VWA3A: variants seen among roughly 807,000 people sequenced by gnomAD.
The protein encoded by VWA3A is von Willebrand factor A domain containing 3A.
Under a neutral mutation model 160.4 loss-of-function variants are expected in VWA3A, and 134 were observed. That is an observed-to-expected ratio of 0.84 (90% CI 0.73 to 0.96). The LOEUF (loss-of-function observed/expected upper bound fraction) is 0.96. VWA3A is among the 40% of genes least tolerant of loss of function. The pLI, the probability that VWA3A is intolerant of heterozygous loss-of-function variation, is 0.00. For missense variants in VWA3A, 1,310 were observed against 1,447.9 expected, an observed-to-expected ratio of 0.90 and a Z score of 1.55; for synonymous variants, 476 against 543.4, an observed-to-expected ratio of 0.88 and a Z score of 1.72.
At chr16:22,095,068 A>G (rs1598039369) in intron 1 of VWA3A, among the ~76,000 whole-genome samples, 1 of 152,058 alleles carries the variant, frequency 6.6e-6, no homozygotes, top group South Asian at 2.1e-4. Flanking sequence ...CTGCTCTTAC[A>G]TAACTTACAG....
rs1271142339 is a variant in VWA3A at position 22,149,185 on chromosome 16, CT to C, written c.2985-600del. On this transcript the variant is annotated intron_variant, in intron 28 of 33. Coordinates refer to ENST00000389398, the MANE Select transcript of VWA3A (RefSeq NM_173615.5). ...GCCAGGACTTCAAGAGGTTAAGACA[CT>C]TGCTGAAGATCGGGTAACCAGTCAC... Among the ~76,000 whole-genome samples the C allele has an allele frequency of 3.9e-5, 6 of 152,178 alleles. No homozygotes were observed. In the East Asian group the frequency reaches 1.2e-3, roughly 29 times the overall value.
intron 27 of VWA3A, chr16:22,147,560 AAATTCATT>A: frequency 2.8e-6 from 2 of 703,004 alleles, no homozygotes; most frequent in Non-Finnish European, 2.6e-6. Flanking sequence ...GGTCCTGTGT[AAATTCATT>A]AGGTCCAGTC....
intron 22 of VWA3A, 169 bp downstream of exon 22, chr16:22,138,681 G>C: frequency 1.1e-6 from 1 of 884,410 alleles, no homozygotes; most frequent in Non-Finnish European, 1.7e-6. Context: ...AATCTCCCGC[G>C]GGGGGCCGGC....
chr16:22,120,843 T>C (rs1330147167), intron 12 of VWA3A, 125 bp from the exon 13 acceptor site: 24 of 1,216,662 alleles, frequency 2.0e-5, no homozygotes, highest in Admixed American at 2.6e-5. Flanking sequence ...AAGGCAAAAC[T>C]GCCTTTAATC....
intron 14 of VWA3A, among the ~76,000 whole-genome samples, chr16:22,122,883 T>C (rs1598069921): frequency 6.6e-6 from 1 of 152,184 alleles, no homozygotes; most frequent in African/African-American, 2.4e-5. Context: ...CTACTTCCAG[T>C]TCCAGACAAG....
chr16:22,102,673 G>T (rs1048385872), intron 5 of VWA3A, among the ~76,000 whole-genome samples: 3 of 152,194 alleles, frequency 2.0e-5, no homozygotes, highest in Admixed American at 1.3e-4. Flanking sequence ...AATCAATCCA[G>T]TAGAAACGAT....
In VWA3A at chr16:22,140,164, A is replaced by T; in HGVS notation, c.2303A>T (p.Asp768Val). ...VPLGARMSIK[D>V]DPDREKSPPL... ...TTGCCTGTTTTCTAGAGCATTAAAGATGACCCTGACAGAGAGAAGAGCCCC... is the reference window on the plus strand; with the variant it reads ...TTGCCTGTTTTCTAGAGCATTAAAGTTGACCCTGACAGAGAGAAGAGCCCC... The change falls in exon 23 of 34, where the codon GAT becomes GTT. Residue 768 changes from aspartate to valine, a missense_variant. Transcript: ENST00000389398. 1 of 1,613,508 alleles carries T rather than the reference A, an allele frequency of 6.2e-7. No individual in the cohort carries two copies. Among genetic ancestry groups the T allele is most frequent in the East Asian group, 2.2e-5 (1 of 44,868 alleles).
At chr16:22,124,688 C>CT (rs1167695015) in intron 16 of VWA3A, among the ~76,000 whole-genome samples, 1 of 151,840 alleles carries the variant, frequency 6.6e-6, no homozygotes, top group African/African-American at 2.4e-5. Context: ...GCCACCGCAC[C>CT]TGGCCACTAT....
At position 22,155,921 on chromosome 16, in the gene VWA3A, G is replaced by T; in HGVS notation, c.*14+5G>T. ...TTCCTAGAGAAGTGTTCTCAGGTAA[G>T]GGGAGGGGCTAGACCCCATACTACC... On this transcript the variant is annotated splice_donor_5th_base_variant and intron_variant, in intron 33 of 33. Transcript: ENST00000389398. 6.2e-7 allele frequency: 1 copy of T among 1,613,880 alleles called. No individual in the cohort carries two copies. Among genetic ancestry groups the T allele is most frequent in the Non-Finnish European group, 8.5e-7 (1 of 1,179,852 alleles).
rs1390881971 is a variant in VWA3A, at chr16:22,116,976, C to T, written c.924+109C>T. The T allele has an allele frequency of 6.4e-6, 9 of 1,403,736 alleles. No homozygotes were observed. The East Asian group carries it at 2.2e-4, about 34-fold the overall frequency. 87.0% of individuals were successfully genotyped at this position (1,403,736 alleles called of 1,614,324 possible). A position where few individuals can be genotyped will look rare whatever the true frequency, so the allele number is the denominator to read the frequency against. On this transcript the variant is annotated intron_variant, in intron 10 of 33. Transcript: ENST00000389398. ...GGCCCCCGAGCTGTGGACCAGAATG[C>T]ACCTGTCCCTGTGCCTGGTTCTCCC...
chr16:22,100,103 G>A, intron 3 of VWA3A, 91 bp from the exon 4 acceptor site: 2 of 1,401,026 alleles, frequency 1.4e-6, no homozygotes, highest in Non-Finnish European at 1.9e-6. Flanking sequence ...GGGTCAGTCT[G>A]AGTTGGCGCC....
chr16:22,154,567 G>C (rs906686433), intron 31 of VWA3A, among the ~76,000 whole-genome samples: 6 of 151,696 alleles, frequency 4.0e-5, no homozygotes, highest in African/African-American at 1.5e-4. Flanking sequence ...GACTTCAAGT[G>C]ATCCACCCGC....
At chr16:22,135,633 G>A (rs2141974482) in intron 21 of VWA3A, among the ~76,000 whole-genome samples, 1 of 152,192 alleles carries the variant, frequency 6.6e-6, no homozygotes, top group Middle Eastern at 3.4e-3. Flanking sequence ...TCTGTGTGCT[G>A]CACATTCTGG....
Position 22,149,818 on chromosome 16 carries a change from C to T in VWA3A, c.3016C>T (p.Gln1006Ter). 1 of 1,609,176 alleles carries T rather than the reference C, an allele frequency of 6.2e-7. No individual in the cohort carries two copies. Among genetic ancestry groups the T allele is most frequent in the South Asian group, 1.1e-5 (1 of 90,430 alleles). ...CCTGCTCAGCTTTGCAGAGAGCTTT[C>T]AGTCATGGCAGGACACGCTGGTGGA... Reference protein sequence around the residue: ...FNLLSFAESFQSWQDTLVETT... With the variant: ...FNLLSFAESF The change falls in exon 29 of 34, where the codon CAG becomes TAG. Residue 1006 changes from glutamine to a stop codon, truncating the protein, a stop_gained. Transcript: ENST00000389398. LOFTEE classifies it high-confidence loss of function.
At chr16:22,098,073 G>A (rs904274063) in intron 3 of VWA3A, among the ~76,000 whole-genome samples, 1 of 152,198 alleles carries the variant, frequency 6.6e-6, no homozygotes, top group African/African-American at 2.4e-5. Context: ...GACAAATGGG[G>A]TATGATAGGA....
chr16:22,109,789 C>A (rs2045528586), intron 7 of VWA3A, among the ~76,000 whole-genome samples: 3 of 152,220 alleles, frequency 2.0e-5, no homozygotes, highest in Admixed American at 2.0e-4. Flanking sequence ...GTAGTGTGAA[C>A]TTCCAGTATT....
chr16:22,153,352 AAAC>A (rs1026464381), intron 31 of VWA3A, among the ~76,000 whole-genome samples: 164 of 152,308 alleles, frequency 1.1e-3, no homozygotes, highest in Middle Eastern at 3.4e-3. Context: ...CAAAACAAAC[AAAC>A]AACAACAATA....
Position 22,121,020 on chromosome 16 carries a change from C to T in VWA3A, c.1169C>T (p.Pro390Leu). Residue 390 changes from proline to leucine, a missense_variant, in exon 13 of 34, where the codon CCA becomes CTA. Transcript: ENST00000389398. ...CTCATAAGCCTCTTGCCTAAACCCCCAAAGCATGACGCTCCTCTCACCATT... is the reference window on the plus strand; with the variant it reads ...CTCATAAGCCTCTTGCCTAAACCCCTAAAGCATGACGCTCCTCTCACCATT... ...GPLISLLPKP[P>L]KHDAPLTIEF... 6.2e-7 allele frequency: 1 copy of T among 1,614,012 alleles called. No homozygotes were observed. The highest frequency in any genetic ancestry group is 8.5e-7 in the Non-Finnish European group (1 of 1,179,900).
chr16:22,130,306 T>C (rs1364942811), intron 17 of VWA3A, among the ~76,000 whole-genome samples: 2 of 151,976 alleles, frequency 1.3e-5, no homozygotes, highest in Admixed American at 6.6e-5. Context: ...AAGTCACTCA[T>C]AGAGTAGCTT....
Sources: allele counts gnomAD v4.1 joint callset (sites outside exome capture counted in the v4.1 genomes callset), GRCh38; gene constraint gnomAD v4.1.1; transcripts MANE v1.5; gene names NCBI Gene and HGNC (gene_info 2026-07-23, HGNC 2026-07-21).